Variants in GABRA6 observed in about 807,000 individuals in gnomAD.
GABRA6 encodes gamma-aminobutyric acid type A receptor subunit alpha6, also known as gamma-aminobutyric acid receptor subunit alpha-6.
In GABRA6, 45 loss-of-function variants were observed where a neutral mutation model predicts 47.3. The ratio of observed to expected loss-of-function variants is 0.95; its 90% CI spans 0.75 to 1.22. The LOEUF is 1.22. GABRA6 is among the 50% of genes most tolerant of loss of function. The pLI is 0.00. For missense variants in GABRA6, 583 were observed against 549.3 expected, an observed-to-expected ratio of 1.06 and a Z score of -0.61; for synonymous variants, 219 against 194.7, an observed-to-expected ratio of 1.12 and a Z score of -1.04.
In GABRA6 at chr5:161,701,922, G is replaced by A; in HGVS notation, c.*149G>A. 1 of 787,456 alleles carries A rather than the reference G, an allele frequency of 1.3e-6. No individual in the cohort carries two copies. Among genetic ancestry groups the A allele is most frequent in the Non-Finnish European group, 2.0e-6 (1 of 488,170 alleles). 48.8% of individuals were successfully genotyped at this position (787,456 alleles called of 1,614,324 possible). ...AACGCAGCTTCCGTAAGCATGTGTGGGCAAAAAAGCAATAATCCTACTCCT... is the reference window on the plus strand; with the variant it reads ...AACGCAGCTTCCGTAAGCATGTGTGAGCAAAAAAGCAATAATCCTACTCCT... On this transcript the variant is annotated 3_prime_UTR_variant, in exon 9 of 9. Coordinates refer to ENST00000274545, the MANE Select transcript of GABRA6 (RefSeq NM_000811.3).
At position 161,701,798 on chromosome 5, in the gene GABRA6, C is replaced by G. The variant is rs1248891598; in HGVS notation, c.*25C>G. On this transcript the variant is annotated 3_prime_UTR_variant, in exon 9 of 9. Coordinates refer to ENST00000274545, the MANE Select transcript of GABRA6 (RefSeq NM_000811.3). ...GCTTGCGGCCAGGACAACCTGAATT[C>G]TATAAGTTCTTGTTTTCTGTTTCCT... The G allele has an allele frequency of 1.2e-6, 2 of 1,611,308 alleles. No individual in the cohort carries two copies. The highest frequency in any genetic ancestry group is 2.7e-5 in the African/African-American group (2 of 74,860).
chr5:161,698,447 T>C (rs761988296), intron 8 of GABRA6, among the ~76,000 whole-genome samples: 4 of 151,846 alleles, frequency 2.6e-5, no homozygotes, highest in Non-Finnish European at 5.9e-5. Context: ...GATAGGTGAG[T>C]GGTGAGAATG....
intron 8 of GABRA6, among the ~76,000 whole-genome samples, chr5:161,697,384 G>A (rs2113083878): frequency 6.6e-6 from 1 of 152,294 alleles, no homozygotes; most frequent in South Asian, 2.1e-4. Flanking sequence ...CTAAACTGAT[G>A]TCCAATCTCC....
Position 161,689,046 on chromosome 5 carries a change from T to C in GABRA6, c.323T>C (p.Val108Ala), listed in dbSNP as rs1486498915. 1 of 1,614,020 alleles carries C rather than the reference T, an allele frequency of 6.2e-7. No individual in the cohort carries two copies. Among genetic ancestry groups the C allele is most frequent in the East Asian group, 2.2e-5 (1 of 44,868 alleles). Residue 108 changes from valine (V) to alanine (A), a missense_variant, in exon 4 of 9, where the codon GTC becomes GCC. Coordinates refer to ENST00000274545, the MANE Select transcript of GABRA6 (RefSeq NM_000811.3). ...TEILSLNNLM[V>A]SKIWTPDTFF... ...ATTCTGAGTCTGAATAATTTGATGGTCAGTAAAATCTGGACGCCTGACACC... is the reference window on the plus strand; with the variant it reads ...ATTCTGAGTCTGAATAATTTGATGGCCAGTAAAATCTGGACGCCTGACACC...
At chr5:161,687,447 G>A in intron 3 of GABRA6, 1 of 446,578 alleles carries the variant, frequency 2.2e-6, no homozygotes, top group South Asian at 1.6e-5. Context: ...CAGTAAAGAG[G>A]TCATTTGGAA....
chr5:161,694,854 T>A (rs1754861227), intron 8 of GABRA6, among the ~76,000 whole-genome samples: 1 of 152,140 alleles, frequency 6.6e-6, no homozygotes, highest in Non-Finnish European at 1.5e-5. Flanking sequence ...CATAGGACAT[T>A]TGCATTACAT....
Position 161,691,402 on chromosome 5 carries a change from T to G in GABRA6, c.827-539T>G, listed in dbSNP as rs893211193. On this transcript the variant is annotated intron_variant, in intron 7 of 8. Transcript: ENST00000274545. ...GCTCCGCCTCCCAGGTTCACGCCAT[T>G]CTCCTGCCTCAGCCTCCGGAGTAGC... Among the ~76,000 whole-genome samples the G allele has an allele frequency of 3.2e-4, 48 of 149,288 alleles. 1 individual carries two copies. The highest frequency in any genetic ancestry group is 1.1e-3 in the African/African-American group (46 of 40,658).
At chr5:161,690,047 T>C in intron 6 of GABRA6, 154 bp from the exon 7 acceptor site, 3 of 753,722 alleles carry the variant, frequency 4.0e-6, no homozygotes, top group South Asian at 1.6e-5. Flanking sequence ...CTCTATCATC[T>C]GCTGATCAAG....
In GABRA6 at chr5:161,690,412, A is replaced by C. The variant is rs142359639; in HGVS notation, c.826+59A>C. 1.1e-3 allele frequency: 1,685 copies of C among 1,527,654 alleles called. 14 individuals are homozygous for C. The African/African-American group carries it at 0.017, about 15-fold the overall frequency. The allele number at this position is 1,527,654 out of a possible 1,614,324, so 94.6% of individuals were successfully genotyped here. A position where few individuals can be genotyped will look rare whatever the true frequency, so the allele number is the denominator to read the frequency against. The stretch of plus-strand genomic sequence containing the variant: ...ATCCTCCACCTTTCATTGCTTGTGT[A>C]TTTTGAGTAAATATTTACACTGGTG... On this transcript the variant is annotated intron_variant, in intron 7 of 8. Transcript: ENST00000274545.
rs1277283875 is a variant in GABRA6 at position 161,701,704 on chromosome 5, A to T, written c.1293A>T (p.Gly431=). 6.2e-7 allele frequency: 1 copy of T among 1,614,072 alleles called. No individual in the cohort carries two copies. The highest frequency in any genetic ancestry group is 8.5e-7 in the Non-Finnish European group (1 of 1,180,024). ...TTCTCTTCCCAGTTGCATTTGCAGG[A>T]TTCAACCTTGTGTACTGGGTAGTTT... The part of the protein sequence containing the change: ...SRILFPVAFA[G]FNLVYWVVYL... The change falls in exon 9 of 9, where the codon GGA becomes GGT. Residue 431 remains glycine, a synonymous_variant. Coordinates refer to ENST00000274545, the MANE Select transcript of GABRA6 (RefSeq NM_000811.3).
Position 161,690,100 on chromosome 5 carries a change from C to A in GABRA6, c.674-101C>A. 2.7e-6 allele frequency: 3 copies of A among 1,113,378 alleles called. 1 individual carries two copies. Among genetic ancestry groups the A allele is most frequent in the Middle Eastern group, 5.0e-4 (2 of 4,004 alleles). 69.0% of individuals were successfully genotyped at this position (1,113,378 alleles called of 1,614,324 possible). A position where few individuals can be genotyped will look rare whatever the true frequency, so the allele number is the denominator to read the frequency against. On this transcript the variant is annotated intron_variant, in intron 6 of 8. Transcript: ENST00000274545. ...GAAATGTACCTTTGCTTGTTTTCTT[C>A]CAGTCAATGTTAATTTAAAAGTTGT...
rs760111344 is a variant in GABRA6 at position 161,685,969 on chromosome 5, T to C, written c.-21T>C. 4 of 1,612,096 alleles carry C rather than the reference T, an allele frequency of 2.5e-6. No individual in the cohort carries two copies. The African/African-American group carries it at 5.3e-5, about 22-fold the overall frequency. On this transcript the variant is annotated 5_prime_UTR_variant, in exon 1 of 9. Transcript: ENST00000274545. ...AGGACGACCCTAGGAGGGTGAATTC[T>C]GCATTTCAGTGCACTGCAGGATGGC...
At chr5:161,696,076 A>G (rs77396917) in intron 8 of GABRA6, among the ~76,000 whole-genome samples, 7 of 152,294 alleles carry the variant, frequency 4.6e-5, no homozygotes, top group Non-Finnish European at 1.0e-4. Flanking sequence ...GCCATGCAAA[A>G]GTGTCTAACT....
chr5:161,689,788 T>C lies in GABRA6; in HGVS notation c.673+9T>C. On this transcript the variant is annotated intron_variant, in intron 6 of 8. Coordinates refer to ENST00000274545, the MANE Select transcript of GABRA6 (RefSeq NM_000811.3). ...AATTAAATCTAACACAGGTAAGAAT[T>C]TGACCAAAGGATGGAAATAATCCCT... 1 of 1,611,064 alleles carries C rather than the reference T, an allele frequency of 6.2e-7. No individual in the cohort carries two copies.
At chr5:161,700,473 A>C (rs981566086) in intron 8 of GABRA6, among the ~76,000 whole-genome samples, 2 of 152,228 alleles carry the variant, frequency 1.3e-5, no homozygotes, top group Non-Finnish European at 2.9e-5. Flanking sequence ...CACCAACGGC[A>C]TGAAAGGAAT....
At chr5:161,689,475 C>T in intron 5 of GABRA6, 139 bp downstream of exon 5, 2 of 1,004,960 alleles carry the variant, frequency 2.0e-6, no homozygotes, top group East Asian at 2.6e-5. Flanking sequence ...CTTAATCATT[C>T]TGTCAATCTC....
rs2113090784 is a variant in GABRA6 at position 161,701,510 on chromosome 5, A to G, written c.1099A>G (p.Lys367Glu). 1.2e-6 allele frequency: 2 copies of G among 1,614,194 alleles called. No homozygotes were observed. The highest frequency in any genetic ancestry group is 1.7e-6 in the Non-Finnish European group (2 of 1,180,030). ...CTTTTTTCCACAGCATCCTGACTCC[A>G]AATATCATCTGAAGAAAAGGATCAC... is the stretch of plus-strand genomic sequence containing the variant. Reference protein sequence around the residue: ...EAEIVLHPDSKYHLKKRITSL... With the variant: ...EAEIVLHPDSEYHLKKRITSL... Residue 367 changes from lysine to glutamate, a missense_variant, in exon 9 of 9, where the codon AAA (lysine) becomes GAA (glutamate). Transcript: ENST00000274545.
rs75844305 is a variant in GABRA6, at chr5:161,696,003, T to A, written c.1086+3803T>A. Among the ~76,000 whole-genome samples, 1,213 of 152,250 alleles carry A rather than the reference T, an allele frequency of 8.0e-3. 10 individuals carry two copies. The highest frequency in any genetic ancestry group is 0.014 in the Non-Finnish European group (986 of 68,022). On this transcript the variant is annotated intron_variant, in intron 8 of 8. Coordinates refer to ENST00000274545, the MANE Select transcript of GABRA6 (RefSeq NM_000811.3). ...TCCAGCAGGAAGTGAGAGAGATCAA[T>A]GAGCCTTAATAATACCTTGGAATAA...
At chr5:161,700,682 A>G (rs898054670) in intron 8 of GABRA6, among the ~76,000 whole-genome samples, 3 of 152,174 alleles carry the variant, frequency 2.0e-5, no homozygotes, top group African/African-American at 4.8e-5. Context: ...ATTCAAGACT[A>G]TAGTTGATTG....
Sources: gnomAD v4.1 joint callset for allele counts (sites outside exome capture counted in the v4.1 genomes callset) on GRCh38, gnomAD v4.1.1 for gene constraint, MANE v1.5 for transcripts, NCBI Gene and HGNC (gene_info 2026-07-23, HGNC 2026-07-21) for gene names.